LRRC4C: variants seen among roughly 807,000 people sequenced by gnomAD.
The protein encoded by LRRC4C is leucine-rich repeat-containing protein 4C.
Under a neutral mutation model 33.6 loss-of-function variants are expected in LRRC4C, and 5 were observed. The observed-to-expected ratio is 0.15, with a 90% CI of 0.08 to 0.31. LRRC4C has a LOEUF of 0.31. Ranked by LOEUF, LRRC4C falls within the 10% of genes least tolerant of loss-of-function variation. The pLI, the probability that LRRC4C is intolerant of heterozygous loss-of-function variation, is 1.00. For synonymous variants in LRRC4C, 329 were observed against 302.0 expected (o/e 1.09, Z -0.93); for missense variants, 560 against 796.7 (o/e 0.70, Z 3.58).
At chr11:41,402,999 G>T (rs368548627) in intron 1 of LRRC4C, among the ~76,000 whole-genome samples, 1 of 152,026 alleles carries the variant, frequency 6.6e-6, no homozygotes, top group African/African-American at 2.4e-5. Context: ...TAATAAAAAT[G>T]TCTTTTGCCC....
At chr11:40,397,687 T>C (rs1949596906) in intron 3 of LRRC4C, among the ~76,000 whole-genome samples, 1 of 151,994 alleles carries the variant, frequency 6.6e-6, no homozygotes, top group African/African-American at 2.4e-5. Flanking sequence ...CAATATTGTC[T>C]AGCTGGACAA....
chr11:41,397,108 C>A (rs1215019165), intron 1 of LRRC4C, among the ~76,000 whole-genome samples: 1 of 151,960 alleles, frequency 6.6e-6, no homozygotes, highest in African/African-American at 2.4e-5. Flanking sequence ...CCCACGCTGT[C>A]TCATTCCAGA....
chr11:41,173,062 A>G (rs1285640758), intron 1 of LRRC4C, among the ~76,000 whole-genome samples: 1 of 152,132 alleles, frequency 6.6e-6, no homozygotes, highest in Non-Finnish European at 1.5e-5. Context: ...ATAGGTCTGA[A>G]ATACAGGTGG....
chr11:40,245,726 T>A (rs1031224323), intron 4 of LRRC4C, among the ~76,000 whole-genome samples: 1 of 152,174 alleles, frequency 6.6e-6, no homozygotes, highest in African/African-American at 2.4e-5. Flanking sequence ...TTATTTTATT[T>A]ACTTGTAGAA....
chr11:41,312,027 C>A (rs1362361093), intron 1 of LRRC4C, among the ~76,000 whole-genome samples: 1 of 152,186 alleles, frequency 6.6e-6, no homozygotes, highest in East Asian at 1.9e-4. Context: ...CACGTTTTAT[C>A]AATTAACAGA....
chr11:40,359,948 G>A (rs1454388607), intron 3 of LRRC4C, among the ~76,000 whole-genome samples: 2 of 151,970 alleles, frequency 1.3e-5, no homozygotes, highest in Non-Finnish European at 2.9e-5. Flanking sequence ...TACCTAATAG[G>A]GCAAGTTTTT....
rs575064596 is a variant in LRRC4C at position 40,375,338 on chromosome 11, A to T, written c.-269-55617T>A. Among the ~76,000 whole-genome samples, 53 of 152,322 alleles carry T rather than the reference A, an allele frequency of 3.5e-4. 1 individual carries two copies. In the South Asian group the frequency reaches 0.011, roughly 30 times the overall value. On this transcript the variant is annotated intron_variant, in intron 3 of 6. Transcript: ENST00000528697. ...AAAGTCTTTGGTATTTTTGAGACCT[A>T]ACCAAGATGGAAAATGAATCTTCTC...
At chr11:40,413,629 A>G (rs892127755) in intron 3 of LRRC4C, among the ~76,000 whole-genome samples, 2 of 152,128 alleles carry the variant, frequency 1.3e-5, no homozygotes, top group African/African-American at 4.8e-5. Context: ...TCAAATTAGC[A>G]GTTACGTAAA....
chr11:40,773,494 A>AC (rs1949849471), intron 2 of LRRC4C, among the ~76,000 whole-genome samples: 2 of 152,080 alleles, frequency 1.3e-5, no homozygotes, highest in Admixed American at 1.3e-4. Context: ...CCTACTATGT[A>AC]CCCATAAAAT....
chr11:40,575,047 G>T (rs565231260), intron 3 of LRRC4C, among the ~76,000 whole-genome samples: 9 of 152,258 alleles, frequency 5.9e-5, no homozygotes, highest in Non-Finnish European at 1.3e-4. Flanking sequence ...GCCTCAGCAG[G>T]TTCACCCAAA....
chr11:40,498,419 G>A (rs1002693445), intron 3 of LRRC4C, among the ~76,000 whole-genome samples: 2 of 152,162 alleles, frequency 1.3e-5, no homozygotes, highest in Non-Finnish European at 2.9e-5. Flanking sequence ...TGAACTTCGT[G>A]TAATATTCTG....
At chr11:40,540,403 T>A (rs1674610707) in intron 3 of LRRC4C, among the ~76,000 whole-genome samples, 1 of 152,124 alleles carries the variant, frequency 6.6e-6, no homozygotes, top group African/African-American at 2.4e-5. Context: ...TCACCTCTGG[T>A]TTTTTATTTT....
rs1956768290 is a variant in LRRC4C, at chr11:40,542,635, C to A, written c.-270+105507G>T. On this transcript the variant is annotated intron_variant, in intron 3 of 6. Transcript: ENST00000528697. Reference sequence around the variant, plus strand: ...AAGCCCTGCGTTCACAGGGGAAGTTCTTTCTCTCTCTCTCTCTTGCTGGCT... The same window carrying A: ...AAGCCCTGCGTTCACAGGGGAAGTTATTTCTCTCTCTCTCTCTTGCTGGCT... 2.0e-5 allele frequency among the ~76,000 whole-genome samples: 3 copies of A among 147,758 alleles called. No individual in the cohort carries two copies. In the South Asian group the frequency reaches 6.2e-4, roughly 31 times the overall value.
At chr11:40,603,734 AT>A (rs1438303017) in intron 3 of LRRC4C, among the ~76,000 whole-genome samples, 1 of 152,230 alleles carries the variant, frequency 6.6e-6, no homozygotes, top group Non-Finnish European at 1.5e-5. Flanking sequence ...CTAAGAGCCA[AT>A]TTATCTGTAA....
At chr11:40,988,625 C>A (rs1446824662) in intron 1 of LRRC4C, among the ~76,000 whole-genome samples, 2 of 151,896 alleles carry the variant, frequency 1.3e-5, no homozygotes, top group Non-Finnish European at 2.9e-5. Flanking sequence ...CCCCTATGAT[C>A]CAGCAATGAA....
chr11:41,265,675 A>G (rs1949125405), intron 1 of LRRC4C, among the ~76,000 whole-genome samples: 1 of 152,110 alleles, frequency 6.6e-6, no homozygotes, highest in African/African-American at 2.4e-5. Flanking sequence ...CATCAGCATA[A>G]TGGAATTCTG....
intron 1 of LRRC4C, among the ~76,000 whole-genome samples, chr11:41,155,965 A>G (rs1590779272): frequency 1.3e-5 from 2 of 152,142 alleles, no homozygotes; most frequent in Non-Finnish European, 2.9e-5. Flanking sequence ...GTGATGACTC[A>G]AAGACTGAGA....
intron 1 of LRRC4C, among the ~76,000 whole-genome samples, chr11:41,162,309 T>C (rs555666695): frequency 1.3e-5 from 2 of 152,250 alleles, no homozygotes; most frequent in African/African-American, 4.8e-5. Context: ...GCCTCCCTAA[T>C]ACCTTAATAT....
chr11:41,038,371 A>C (rs116176737), intron 1 of LRRC4C, among the ~76,000 whole-genome samples: 1,526 of 152,274 alleles, frequency 0.01, 36 homozygotes, highest in African/African-American at 0.035. Context: ...AAATCCCTAT[A>C]AGCCAGTTAA....
Sources: gnomAD v4.1 joint callset for allele counts (sites outside exome capture counted in the v4.1 genomes callset) on GRCh38, gnomAD v4.1.1 for gene constraint, MANE v1.5 for transcripts, NCBI Gene and HGNC (gene_info 2026-07-23, HGNC 2026-07-21) for gene names.